Variants in PCDHA7 observed in about 807,000 individuals in gnomAD.
The protein encoded by PCDHA7 is protocadherin alpha-7.
In PCDHA7, 37 loss-of-function variants were observed where a neutral mutation model predicts 57.2. The ratio of observed to expected loss-of-function variants is 0.65; its 90% CI spans 0.50 to 0.85. The LOEUF (loss-of-function observed/expected upper bound fraction) is 0.85, where lower values mean the gene tolerates loss of function less well. Among genes scored for constraint, PCDHA7 ranks in the 40% least tolerant of loss-of-function variants. PCDHA7 has a pLI of 0.00. For synonymous variants in PCDHA7, 553 were observed against 558.8 expected, an observed-to-expected ratio of 0.99 and a Z score of 0.15; for missense variants, 1,188 against 1,241.8, an observed-to-expected ratio of 0.96 and a Z score of 0.65.
chr5:140,843,678 G>A, intron 1 of PCDHA7: 2 of 1,591,412 alleles, frequency 1.3e-6, no homozygotes, highest in Non-Finnish European at 1.7e-6. Flanking sequence ...GTTGATGTAG[G>A]CGAAGAGCAA....
chr5:140,905,947 C>T (rs1210025825), intron 1 of PCDHA7, among the ~76,000 whole-genome samples: 7 of 152,124 alleles, frequency 4.6e-5, no homozygotes, highest in African/African-American at 9.7e-5. Context: ...ACTTGGAATC[C>T]GATGTTCAAG....
chr5:140,875,947 G>C (rs1554168112), intron 1 of PCDHA7: 1 of 1,614,184 alleles, frequency 6.2e-7, no homozygotes, highest in Admixed American at 1.7e-5. Flanking sequence ...GGGCGCTTCT[G>C]ATGCGGATAT....
At chr5:140,952,479 A>C (rs246034) in intron 1 of PCDHA7, among the ~76,000 whole-genome samples, 85,668 of 152,018 alleles carry the variant, frequency 0.56, 24,767 homozygotes, top group African/African-American at 0.69. Flanking sequence ...GGAAAGTGAC[A>C]TTTGCTCCAG....
rs564306575 is a variant in PCDHA7, at chr5:140,927,833, A to G, written c.2356-51116A>G. On this transcript the variant is annotated intron_variant, in intron 1 of 3. Coordinates refer to ENST00000525929, the MANE Select transcript of PCDHA7 (RefSeq NM_018910.3). Reference sequence around the variant, plus strand: ...TTGGAGGCATACATTGAGGCGAGGGACGAAGGTGTCTTTGGTTTAGCTAGC... The same window carrying G: ...TTGGAGGCATACATTGAGGCGAGGGGCGAAGGTGTCTTTGGTTTAGCTAGC... 5.0e-6 allele frequency: 8 copies of G among 1,614,044 alleles called. No individual in the cohort carries two copies. Among genetic ancestry groups the G allele is most frequent in the African/African-American group, 4.0e-5 (3 of 74,914 alleles).
At chr5:140,853,279 A>G (rs1197350918) in intron 1 of PCDHA7, 3 of 979,360 alleles carry the variant, frequency 3.1e-6, no homozygotes, top group Non-Finnish European at 3.7e-6. Flanking sequence ...CTCTCATCAT[A>G]TGCAAATTCT....
chr5:140,891,226 C>T (rs1417836006), intron 1 of PCDHA7, among the ~76,000 whole-genome samples: 1 of 152,026 alleles, frequency 6.6e-6, no homozygotes, highest in Admixed American at 6.6e-5. Flanking sequence ...TTATAATCAT[C>T]CTGTTCTGGA....
rs143678744 is a variant in PCDHA7 at position 140,873,036 on chromosome 5, G to A, written c.2355+36298G>A. Among the ~76,000 whole-genome samples the A allele has an allele frequency of 5.4e-3, 816 of 152,264 alleles. 4 individuals carry two copies. The highest frequency in any genetic ancestry group is 0.014 in the Middle Eastern group (4 of 294). On this transcript the variant is annotated intron_variant, in intron 1 of 3. Coordinates refer to ENST00000525929, the MANE Select transcript of PCDHA7 (RefSeq NM_018910.3). ...TTTAGTTATTCTTACTACACGTAGA[G>A]TGGTGGTATTACAGACTTTCTTGAG...
intron 3 of PCDHA7, among the ~76,000 whole-genome samples, chr5:140,991,295 A>G (rs1215731555): frequency 6.6e-6 from 1 of 152,202 alleles, no homozygotes; most frequent in African/African-American, 2.4e-5. Context: ...TTAACACATT[A>G]CTATTATCTT....
intron 1 of PCDHA7, chr5:140,850,632 C>G: frequency 6.3e-7 from 1 of 1,598,646 alleles, no homozygotes; most frequent in Non-Finnish European, 8.6e-7. Context: ...CCTGTTGGTT[C>G]TCACGCTGCT....
chr5:140,869,180 T>C (rs782798909), intron 1 of PCDHA7: 1 of 1,613,322 alleles, frequency 6.2e-7, no homozygotes, highest in Admixed American at 1.7e-5. Flanking sequence ...TTCTGGGAGG[T>C]GGGGAGCGGC....
rs1781368180 is a variant in PCDHA7 at position 140,848,199 on chromosome 5, A to G, written c.2355+11461A>G. 9.4e-6 allele frequency: 3 copies of G among 318,910 alleles called. No individual in the cohort carries two copies. In the East Asian group the frequency reaches 1.6e-4, roughly 17 times the overall value. The allele number at this position is 318,910 out of a possible 1,614,324, so 19.8% of individuals were successfully genotyped here. ...GAGAAACGGGATCTTCTGTTTCAAC[A>G]ATCATTACTTAAGAAAAAATTAAGA... On this transcript the variant is annotated intron_variant, in intron 1 of 3. Transcript: ENST00000525929.
chr5:140,841,812 C>T (rs1777513901), intron 1 of PCDHA7: 1 of 1,613,912 alleles, frequency 6.2e-7, no homozygotes, highest in African/African-American at 1.3e-5. Context: ...GATGTTGGAG[C>T]TAACTCCGTG....
At chr5:140,969,232 C>G in intron 1 of PCDHA7, 1 of 1,614,066 alleles carries the variant, frequency 6.2e-7, no homozygotes, top group Non-Finnish European at 8.5e-7. Flanking sequence ...CTTCGGGAGC[C>G]CAAGCAGCAG....
chr5:140,883,356 C>A, intron 1 of PCDHA7: 1 of 1,614,190 alleles, frequency 6.2e-7, no homozygotes, highest in Non-Finnish European at 8.5e-7. Flanking sequence ...AGAGAAGACA[C>A]TCAGCCTAGC....
intron 3 of PCDHA7, among the ~76,000 whole-genome samples, chr5:141,009,108 A>G (rs529319870): frequency 5.3e-5 from 8 of 152,346 alleles, no homozygotes; most frequent in African/African-American, 1.9e-4. Context: ...TGTTACTATG[A>G]AACTAGATTC....
intron 1 of PCDHA7, among the ~76,000 whole-genome samples, chr5:140,904,620 A>T (rs1419190047): frequency 6.6e-6 from 1 of 151,986 alleles, no homozygotes; most frequent in Non-Finnish European, 1.5e-5. Flanking sequence ...TTTTACTTTT[A>T]GTTCTTTAAG....
chr5:140,925,124 A>AGGAAGGAAGGAAGGAAGGAAGGAAGG, intron 1 of PCDHA7, among the ~76,000 whole-genome samples: 1 of 151,856 alleles, frequency 6.6e-6, no homozygotes, highest in Non-Finnish European at 1.5e-5. Flanking sequence ...GAAGGAAGGA[A>AGGAAGGAAGGAAGGAAGGAAGGAAGG]AAAAAATTTC....
intron 1 of PCDHA7, among the ~76,000 whole-genome samples, chr5:140,975,301 C>A (rs943526337): frequency 2.3e-4 from 35 of 152,200 alleles, no homozygotes; most frequent in African/African-American, 8.4e-4. Flanking sequence ...TTAAAGAGCT[C>A]ATGTGATTAT....
At chr5:140,941,202 C>CTTTCTTT (rs1554213921) in intron 1 of PCDHA7, among the ~76,000 whole-genome samples, 7,232 of 122,704 alleles carry the variant, frequency 0.059, 419 homozygotes, top group East Asian at 0.13. Flanking sequence ...TTTCTTTCTT[C>CTTTCTTT]CTTTCTTTCT....
Sources: allele counts gnomAD v4.1 joint callset (sites outside exome capture counted in the v4.1 genomes callset), GRCh38; gene constraint gnomAD v4.1.1; transcripts MANE v1.5; gene names NCBI Gene and HGNC (gene_info 2026-07-23, HGNC 2026-07-21).